Variants in KCNIP4 observed in about 807,000 individuals in gnomAD.
KCNIP4 encodes Kv channel-interacting protein 4.
A neutral mutation model predicts 34.0 loss-of-function variants in KCNIP4; 12 were observed. That is an observed-to-expected ratio of 0.35 (90% CI 0.23 to 0.57). The LOEUF is 0.57. Among genes scored for constraint, KCNIP4 ranks in the 20% least tolerant of loss-of-function variants. The pLI is 0.83. For synonymous variants in KCNIP4, 124 were observed against 102.2 expected, an observed-to-expected ratio of 1.21 and a Z score of -1.29; for missense variants, 238 against 311.7, an observed-to-expected ratio of 0.76 and a Z score of 1.78.
chr4:20,847,007 C>A (rs1720463130), intron 3 of KCNIP4, among the ~76,000 whole-genome samples: 1 of 152,100 alleles, frequency 6.6e-6, no homozygotes, highest in Admixed American at 6.6e-5. Flanking sequence ...TAATAGTTTG[C>A]ATTTTCTGCA....
At chr4:21,698,449 T>A (rs1048314943) in intron 1 of KCNIP4, among the ~76,000 whole-genome samples, 5 of 152,184 alleles carry the variant, frequency 3.3e-5, no homozygotes, top group African/African-American at 4.8e-5. Flanking sequence ...TCAACTTTTT[T>A]AAAGTTAATA....
At chr4:21,317,628 A>C (rs1057378634) in intron 1 of KCNIP4, among the ~76,000 whole-genome samples, 3 of 152,208 alleles carry the variant, frequency 2.0e-5, no homozygotes, top group Non-Finnish European at 4.4e-5. Context: ...TTATGGTTAT[A>C]ATGGTGCTGG....
At chr4:21,145,603 C>T (rs1409832813) in intron 1 of KCNIP4, among the ~76,000 whole-genome samples, 1 of 152,082 alleles carries the variant, frequency 6.6e-6, no homozygotes, top group Non-Finnish European at 1.5e-5. Context: ...GTGGTCTGTA[C>T]AATGCAAAAT....
At chr4:21,411,785 C>G (rs1420592762) in intron 1 of KCNIP4, among the ~76,000 whole-genome samples, 1 of 152,124 alleles carries the variant, frequency 6.6e-6, no homozygotes, top group African/African-American at 2.4e-5. Context: ...CTGCAGTGAG[C>G]CGTGACCATG....
At chr4:21,605,936 A>T (rs1037890965) in intron 1 of KCNIP4, among the ~76,000 whole-genome samples, 1 of 152,164 alleles carries the variant, frequency 6.6e-6, no homozygotes, top group Non-Finnish European at 1.5e-5. Flanking sequence ...CAGACAGAAA[A>T]AAACCATCCT....
At chr4:21,331,436 T>C (rs1715627567) in intron 1 of KCNIP4, among the ~76,000 whole-genome samples, 1 of 152,138 alleles carries the variant, frequency 6.6e-6, no homozygotes, top group Non-Finnish European at 1.5e-5. Context: ...GAATTTCATA[T>C]GCAAGTATAT....
At chr4:21,498,811 G>A (rs895288902) in intron 1 of KCNIP4, among the ~76,000 whole-genome samples, 1 of 152,118 alleles carries the variant, frequency 6.6e-6, no homozygotes, top group Non-Finnish European at 1.5e-5. Context: ...AGAGGTGGGT[G>A]TTGGATCTGC....
At chr4:21,320,964 T>TAAAAAAAAAAAAAAAAAAAA (rs528123961) in intron 1 of KCNIP4, among the ~76,000 whole-genome samples, 25 of 102,862 alleles carry the variant, frequency 2.4e-4, no homozygotes, top group African/African-American at 1.1e-3. Context: ...GAATCTGTCT[T>TAAAAAAAAAAAAAAAAAAAA]AAAAAAAAAA....
chr4:21,087,199 C>CA (rs1746542300), intron 1 of KCNIP4, among the ~76,000 whole-genome samples: 1 of 93,192 alleles, frequency 1.1e-5, no homozygotes, highest in African/African-American at 4.2e-5. Flanking sequence ...TGTTTTGAGA[C>CA]AGAGTCTTGC....
intron 1 of KCNIP4, among the ~76,000 whole-genome samples, chr4:21,418,163 A>G (rs907959207): frequency 6.6e-6 from 1 of 151,630 alleles, no homozygotes; most frequent in Non-Finnish European, 1.5e-5. Context: ...CTACACACAC[A>G]CTCTCTCCCT....
intron 1 of KCNIP4, among the ~76,000 whole-genome samples, chr4:21,175,789 T>C (rs1754361595): frequency 6.6e-6 from 1 of 152,222 alleles, no homozygotes; most frequent in African/African-American, 2.4e-5. Flanking sequence ...TTATGACTTA[T>C]AAATTGTTTA....
Position 21,680,140 on chromosome 4 carries a change from C to T in KCNIP4, c.61+268431G>A, listed in dbSNP as rs553459026. ...AAATTAAAGTCAATCCTCTCAAACA[C>T]TACTGCTGTTTATTGACTAAGTTTA... On this transcript the variant is annotated intron_variant, in intron 1 of 8. Transcript: ENST00000382152. Among the ~76,000 whole-genome samples, 38 of 152,182 alleles carry T rather than the reference C, an allele frequency of 2.5e-4. 1 individual carries two copies. The South Asian group carries it at 5.0e-3, about 20-fold the overall frequency.
intron 1 of KCNIP4, among the ~76,000 whole-genome samples, chr4:20,965,747 A>G (rs1224770946): frequency 2.0e-5 from 3 of 152,220 alleles, no homozygotes; most frequent in Non-Finnish European, 4.4e-5. Context: ...TTTTGCAACT[A>G]TAGAATTTCT....
At chr4:21,226,836 G>A (rs1401535072) in intron 1 of KCNIP4, among the ~76,000 whole-genome samples, 3 of 152,002 alleles carry the variant, frequency 2.0e-5, no homozygotes, top group Non-Finnish European at 4.4e-5. Context: ...AACTTGATGT[G>A]AAATAGCTGA....
intron 1 of KCNIP4, chr4:21,850,852 A>C (rs1043294196): frequency 1.3e-5 from 2 of 152,074 alleles, no homozygotes; most frequent in African/African-American, 2.4e-5. Flanking sequence ...CAAACACTAC[A>C]TATTCCCTCA....
At chr4:21,110,542 T>A (rs1749069894) in intron 1 of KCNIP4, among the ~76,000 whole-genome samples, 1 of 152,254 alleles carries the variant, frequency 6.6e-6, no homozygotes, top group Non-Finnish European at 1.5e-5. Flanking sequence ...TTCAGACTTC[T>A]CTGGCTTTTT....
chr4:21,782,779 A>G (rs1719652438), intron 1 of KCNIP4, among the ~76,000 whole-genome samples: 1 of 152,226 alleles, frequency 6.6e-6, no homozygotes, highest in Non-Finnish European at 1.5e-5. Context: ...AAAATGTCCT[A>G]TAGGTGAACA....
In KCNIP4 at chr4:20,749,158, A is replaced by G. The variant is rs78399683; in HGVS notation, c.429+504T>C. Among the ~76,000 whole-genome samples, 3 of 149,704 alleles carry G rather than the reference A, an allele frequency of 2.0e-5. No homozygotes were observed. In the East Asian group the frequency reaches 5.8e-4, roughly 29 times the overall value. ...TTATGACAGAGCGAGACTCTTTCAA[A>G]AAAAAAAAAAAAAATACGTTCTCTA... On this transcript the variant is annotated intron_variant, in intron 5 of 8. Coordinates refer to ENST00000382152, the MANE Select transcript of KCNIP4 (RefSeq NM_025221.6).
intron 1 of KCNIP4, among the ~76,000 whole-genome samples, chr4:21,828,749 G>T (rs1475728514): frequency 6.6e-6 from 1 of 151,828 alleles, no homozygotes; most frequent in Non-Finnish European, 1.5e-5. Flanking sequence ...CAAAATAGAA[G>T]TATATATTCA....
Sources: allele counts gnomAD v4.1 joint callset (sites outside exome capture counted in the v4.1 genomes callset), GRCh38; gene constraint gnomAD v4.1.1; transcripts MANE v1.5; gene names NCBI Gene and HGNC (gene_info 2026-07-23, HGNC 2026-07-21).